The following TTC7A variants were observed in gnomAD, a reference collection of about 807,000 sequenced individuals.
The protein encoded by TTC7A is tetratricopeptide repeat protein 7A.
Under a neutral mutation model 103.7 loss-of-function variants are expected in TTC7A, and 110 were observed. That is an observed-to-expected ratio of 1.06 (90% CI 0.91 to 1.24). The LOEUF is 1.24. Ranked by LOEUF, TTC7A falls within the 50% of genes most tolerant of loss-of-function variation. The probability of loss-of-function intolerance (pLI) is 0.00; values close to 1 mark genes in which losing one functional copy is unlikely to be tolerated. For missense variants in TTC7A, 1,340 were observed against 1,116.3 expected (o/e 1.20, Z -2.86); for synonymous variants, 521 against 467.9 (o/e 1.11, Z -1.47).
intron 3 of TTC7A, among the ~76,000 whole-genome samples, chr2:46,962,101 C>G (rs1443700378): frequency 6.6e-6 from 1 of 152,196 alleles, no homozygotes; most frequent in Non-Finnish European, 1.5e-5. Flanking sequence ...CTCAACCAAT[C>G]TCCCTCTCTC....
chr2:47,038,629 T>TTGGGGGG, intron 15 of TTC7A, among the ~76,000 whole-genome samples: 1 of 86,986 alleles, frequency 1.1e-5, no homozygotes, highest in Admixed American at 1.3e-4. Flanking sequence ...TGCTGCCACT[T>TTGGGGGG]CCCACCCACC....
intron 18 of TTC7A, among the ~76,000 whole-genome samples, chr2:47,058,341 G>A (rs1313262201): frequency 2.6e-5 from 4 of 152,254 alleles, no homozygotes; most frequent in Admixed American, 6.5e-5. Context: ...ATTTTAGGAT[G>A]TGGCAGGCTA....
chr2:46,980,967 C>A (rs374382995), intron 5 of TTC7A, among the ~76,000 whole-genome samples: 1 of 152,196 alleles, frequency 6.6e-6, no homozygotes, highest in Non-Finnish European at 1.5e-5. Flanking sequence ...GCATGCGGAG[C>A]GTCCAGGGCC....
rs1387521509 is a variant in TTC7A at position 47,074,980 on chromosome 2, T to TATC, written c.*1059_*1061dup. 1 of 152,264 alleles carries TATC rather than the reference T, an allele frequency of 6.6e-6. No homozygotes were observed. The highest frequency in any genetic ancestry group is 1.5e-5 in the Non-Finnish European group (1 of 68,060). 9.4% of individuals were successfully genotyped at this position (152,264 alleles called of 1,614,324 possible). On this transcript the variant is annotated 3_prime_UTR_variant, in exon 20 of 20. Transcript: ENST00000319190. ...CTCCAAGGAGTCAGTCCCCCAGGCC[T>TATC]ATCAGGGGATCCTTTTGTATCTGCA...
intron 6 of TTC7A, 91 bp from the exon 7 acceptor site, chr2:46,994,266 G>T (rs781620190): frequency 1.1e-4 from 165 of 1,472,038 alleles, no homozygotes; most frequent in Non-Finnish European, 1.1e-4. Flanking sequence ...AAGCGGGGCA[G>T]ATTTAGCTGG....
chr2:46,944,543 C>G (rs533190383), intron 1 of TTC7A, among the ~76,000 whole-genome samples: 7 of 152,042 alleles, frequency 4.6e-5, no homozygotes, highest in Non-Finnish European at 1.0e-4. Context: ...AAAGTGAGAT[C>G]CCATCTCTAC....
chr2:47,030,851 A>G (rs1680455845), intron 15 of TTC7A, among the ~76,000 whole-genome samples: 1 of 152,206 alleles, frequency 6.6e-6, no homozygotes, highest in Non-Finnish European at 1.5e-5. Context: ...GCAGCATTCA[A>G]GAGACTACTA....
At chr2:46,983,507 G>T (rs979597529) in intron 5 of TTC7A, among the ~76,000 whole-genome samples, 2 of 152,172 alleles carry the variant, frequency 1.3e-5, no homozygotes, top group Non-Finnish European at 2.9e-5. Context: ...GGATGAGTCT[G>T]GGGGACCCAA....
At chr2:47,059,432 A>T (rs1683591257) in intron 18 of TTC7A, among the ~76,000 whole-genome samples, 1 of 152,100 alleles carries the variant, frequency 6.6e-6, no homozygotes, top group African/African-American at 2.4e-5. Flanking sequence ...TCAGCTCTCC[A>T]TCAGGGCAGG....
chr2:46,942,354 C>T (rs67971228), intron 1 of TTC7A, among the ~76,000 whole-genome samples: 35,201 of 152,034 alleles, frequency 0.23, 5,250 homozygotes, highest in Admixed American at 0.39. Context: ...CAGCGGGGAA[C>T]ACCCCGCCCC....
chr2:46,944,055 A>T (rs1670705057), intron 1 of TTC7A, among the ~76,000 whole-genome samples: 2 of 152,088 alleles, frequency 1.3e-5, no homozygotes, highest in African/African-American at 4.8e-5. Flanking sequence ...AACCAGGGGT[A>T]AGGTGCTTGC....
intron 19 of TTC7A, chr2:47,071,034 C>G (rs930361414): frequency 1.3e-5 from 2 of 152,232 alleles, no homozygotes; most frequent in Non-Finnish European, 2.9e-5. Flanking sequence ...AGTTCTTGTT[C>G]CCACCATCTC....
intron 15 of TTC7A, among the ~76,000 whole-genome samples, chr2:47,034,814 G>A (rs1275195552): frequency 2.0e-5 from 3 of 152,152 alleles, no homozygotes; most frequent in Non-Finnish European, 1.5e-5. Context: ...TACTGGTCCC[G>A]GGGGACTTGG....
intron 14 of TTC7A, 25 bp downstream of exon 14, chr2:47,024,384 C>T: frequency 6.3e-7 from 1 of 1,592,048 alleles, no homozygotes; most frequent in East Asian, 2.4e-5. Flanking sequence ...TTCCTAACCC[C>T]CGGGTCCTCG....
At chr2:47,054,291 G>A (rs1683138131) in intron 18 of TTC7A, 9 of 433,110 alleles carry the variant, frequency 2.1e-5, no homozygotes, top group Non-Finnish European at 2.5e-5. Flanking sequence ...CCTTGACTGG[G>A]ACAGCGACTC....
chr2:46,927,473 C>T (rs971796128), intron 2 of TTC7A, among the ~76,000 whole-genome samples: 1 of 151,394 alleles, frequency 6.6e-6, no homozygotes, highest in Admixed American at 6.6e-5. Context: ...TCTCCCACCT[C>T]AACCTCCAGA....
At chr2:47,044,047 C>T (rs956181694) in intron 15 of TTC7A, among the ~76,000 whole-genome samples, 1 of 151,590 alleles carries the variant, frequency 6.6e-6, no homozygotes, top group African/African-American at 2.4e-5. Context: ...GAGCTGTCCC[C>T]AGGAACCAGC....
At chr2:46,965,224 G>A (rs538930440) in intron 3 of TTC7A, among the ~76,000 whole-genome samples, 1 of 152,336 alleles carries the variant, frequency 6.6e-6, no homozygotes, top group Admixed American at 6.5e-5. Flanking sequence ...GAATTGTGTG[G>A]CTGATTAAAA....
chr2:47,029,584 C>T (rs150343651), intron 15 of TTC7A, among the ~76,000 whole-genome samples, 200 bp downstream of exon 15: 1 of 152,274 alleles, frequency 6.6e-6, no homozygotes, highest in Non-Finnish European at 1.5e-5. Flanking sequence ...CAGGAGGTGC[C>T]TGGTGGGTAA....
Sources: gnomAD v4.1 joint callset for allele counts (sites outside exome capture counted in the v4.1 genomes callset) on GRCh38, gnomAD v4.1.1 for gene constraint, MANE v1.5 for transcripts, NCBI Gene and HGNC (gene_info 2026-07-23, HGNC 2026-07-21) for gene names.